The following ANKRD6 variants were observed in gnomAD, a reference collection of about 807,000 sequenced individuals.
The protein encoded by ANKRD6 is ankyrin repeat domain 6.
A neutral mutation model predicts 82.3 loss-of-function variants in ANKRD6; 56 were observed. The ratio of observed to expected loss-of-function variants is 0.68; its 90% CI spans 0.55 to 0.85. The LOEUF (loss-of-function observed/expected upper bound fraction) is 0.85. ANKRD6 is among the 40% of genes least tolerant of loss of function. The pLI is 0.00. For synonymous variants in ANKRD6, 347 were observed against 352.1 expected, an observed-to-expected ratio of 0.99 and a Z score of 0.16; for missense variants, 852 against 907.6, an observed-to-expected ratio of 0.94 and a Z score of 0.79.
At chr6:89,434,336 T>C (rs1191883704) in intron 1 of ANKRD6, among the ~76,000 whole-genome samples, 1 of 152,212 alleles carries the variant, frequency 6.6e-6, no homozygotes, top group East Asian at 1.9e-4. Flanking sequence ...GGATGTTGAA[T>C]TCATTCATGC....
chr6:89,436,660 G>C (rs1338108814), intron 1 of ANKRD6, among the ~76,000 whole-genome samples: 1 of 152,186 alleles, frequency 6.6e-6, no homozygotes, highest in Non-Finnish European at 1.5e-5. Flanking sequence ...ACCAGGGGTA[G>C]GGGGAGGACA....
At chr6:89,444,705 C>T (rs569319479) in intron 1 of ANKRD6, among the ~76,000 whole-genome samples, 24 of 152,302 alleles carry the variant, frequency 1.6e-4, no homozygotes, top group Admixed American at 1.4e-3. Flanking sequence ...CGGTGGCTCA[C>T]GCCTGTAATC....
chr6:89,568,808 C>T (rs183386344), intron 2 of ANKRD6, among the ~76,000 whole-genome samples: 16 of 152,168 alleles, frequency 1.1e-4, no homozygotes, highest in Middle Eastern at 3.4e-3. Context: ...CCTGAACTCA[C>T]GCATCCCGGC....
chr6:89,514,484 T>C (rs1248734671), intron 1 of ANKRD6, among the ~76,000 whole-genome samples: 1 of 152,172 alleles, frequency 6.6e-6, no homozygotes, highest in Non-Finnish European at 1.5e-5. Context: ...ACAATTCTAC[T>C]TTTTCCAATG....
At chr6:89,600,052 CTA>C (rs1456364369) in intron 3 of ANKRD6, among the ~76,000 whole-genome samples, 3 of 152,164 alleles carry the variant, frequency 2.0e-5, no homozygotes, top group Admixed American at 1.3e-4. Context: ...GCTTAGGACA[CTA>C]TGTGTTCTCG....
At chr6:89,603,959 A>G (rs1273605887) in intron 4 of ANKRD6, among the ~76,000 whole-genome samples, 2 of 152,242 alleles carry the variant, frequency 1.3e-5, no homozygotes, top group African/African-American at 4.8e-5. Context: ...CCATGACTGC[A>G]TCACTGCATT....
At position 89,631,200 on chromosome 6, in the gene ANKRD6, C is replaced by T. The variant is rs1202642836; in HGVS notation, c.*196C>T. 1.0e-6 allele frequency: 1 copy of T among 1,004,688 alleles called. No individual in the cohort carries two copies. The allele number at this position is 1,004,688 out of a possible 1,614,324, so 62.2% of individuals were successfully genotyped here. A position where few individuals can be genotyped will look rare whatever the true frequency, so the allele number is the denominator to read the frequency against. On this transcript the variant is annotated 3_prime_UTR_variant, in exon 16 of 16. Coordinates refer to ENST00000339746, the MANE Select transcript of ANKRD6 (RefSeq NM_001242809.2). ...GAAGACTTCAACAATTAAACTGAAA[C>T]CAGGGGAAGCTTGCTTAGTTTTGGG...
intron 1 of ANKRD6, among the ~76,000 whole-genome samples, chr6:89,463,068 A>G (rs1016738923): frequency 5.9e-5 from 9 of 151,738 alleles, no homozygotes; most frequent in African/African-American, 2.2e-4. Flanking sequence ...AAATCCTACT[A>G]TGTTGCCCTG....
At chr6:89,470,649 C>T (rs1195154702) in intron 1 of ANKRD6, among the ~76,000 whole-genome samples, 1 of 145,918 alleles carries the variant, frequency 6.9e-6, no homozygotes, top group Non-Finnish European at 1.5e-5. Context: ...TGATGTACTC[C>T]CCCTTTAAAT....
intron 1 of ANKRD6, among the ~76,000 whole-genome samples, chr6:89,535,018 G>A (rs374699562): frequency 5.3e-5 from 8 of 152,152 alleles, no homozygotes; most frequent in Admixed American, 3.9e-4. Context: ...CAAACCATTA[G>A]CAGGACTCTC....
intron 1 of ANKRD6, among the ~76,000 whole-genome samples, chr6:89,478,705 T>G (rs1207965287): frequency 7.0e-6 from 1 of 143,146 alleles, no homozygotes; most frequent in African/African-American, 2.6e-5. Flanking sequence ...TGGGATGAGC[T>G]GAGATTGCAC....
intron 1 of ANKRD6, among the ~76,000 whole-genome samples, chr6:89,485,956 A>G (rs927711709): frequency 6.6e-6 from 1 of 152,224 alleles, no homozygotes; most frequent in Non-Finnish European, 1.5e-5. Context: ...GTTTTAATTA[A>G]TGTGTTATTT....
At chr6:89,577,049 C>A (rs1489759921) in intron 2 of ANKRD6, among the ~76,000 whole-genome samples, 1 of 151,984 alleles carries the variant, frequency 6.6e-6, no homozygotes, top group Non-Finnish European at 1.5e-5. Flanking sequence ...GCCACCATGC[C>A]CAGCCTTCCT....
chr6:89,612,790 A>G (rs1343072002), intron 6 of ANKRD6, among the ~76,000 whole-genome samples: 1 of 152,226 alleles, frequency 6.6e-6, no homozygotes, highest in African/African-American at 2.4e-5. Flanking sequence ...ATCTATAGCG[A>G]GCAGGTCCTA....
intron 1 of ANKRD6, among the ~76,000 whole-genome samples, chr6:89,559,075 CTCT>C (rs1420832104): frequency 2.0e-5 from 3 of 152,204 alleles, no homozygotes; most frequent in Non-Finnish European, 4.4e-5. Context: ...TGACTAGCCA[CTCT>C]TCTTGCCAAC....
intron 1 of ANKRD6, among the ~76,000 whole-genome samples, chr6:89,494,477 A>G (rs901510064): frequency 1.3e-5 from 2 of 152,178 alleles, no homozygotes; most frequent in East Asian, 1.9e-4. Flanking sequence ...GAAGAGTCCA[A>G]CTCAAGTTTG....
In ANKRD6 at chr6:89,627,709, A is replaced by T; in HGVS notation, c.1485+13A>T. Reference sequence around the variant, plus strand: ...GGAGAAACGACAGGTAGGAACCAGCATCTGCTAGTCCTTAACTTATGATTT... The same window carrying T: ...GGAGAAACGACAGGTAGGAACCAGCTTCTGCTAGTCCTTAACTTATGATTT... On this transcript the variant is annotated intron_variant, in intron 14 of 15. Coordinates refer to ENST00000339746, the MANE Select transcript of ANKRD6 (RefSeq NM_001242809.2). The T allele has an allele frequency of 6.2e-7, 1 of 1,611,960 alleles. No homozygotes were observed. The highest frequency in any genetic ancestry group is 8.5e-7 in the Non-Finnish European group (1 of 1,178,290).
intron 1 of ANKRD6, among the ~76,000 whole-genome samples, chr6:89,478,646 CG>C (rs904860222): frequency 2.5e-5 from 3 of 121,720 alleles, no homozygotes; most frequent in African/African-American, 9.4e-5. Flanking sequence ...GGGGAGGGGG[CG>C]GGGTGGTGCT....
chr6:89,577,858 A>G (rs1791492709), intron 2 of ANKRD6, among the ~76,000 whole-genome samples: 1 of 152,226 alleles, frequency 6.6e-6, no homozygotes, highest in Non-Finnish European at 1.5e-5. Flanking sequence ...GGAATGTTTT[A>G]CTGAAGTTTT....
Sources: gnomAD v4.1 joint callset for allele counts (sites outside exome capture counted in the v4.1 genomes callset) on GRCh38, gnomAD v4.1.1 for gene constraint, MANE v1.5 for transcripts, NCBI Gene and HGNC (gene_info 2026-07-23, HGNC 2026-07-21) for gene names.